The following MRPL42 variants were observed in gnomAD, a reference collection of about 807,000 sequenced individuals.
MRPL42 encodes the protein large ribosomal subunit protein mL42.
MRPL42 carries 17 observed loss-of-function variants against 17.9 expected under a neutral mutation model. That is an observed-to-expected ratio of 0.95 (90% CI 0.65 to 1.42). The LOEUF is 1.42. Ranked by LOEUF, MRPL42 falls within the 40% of genes most tolerant of loss-of-function variation. The pLI is 0.00. For missense variants in MRPL42, 177 were observed against 175.2 expected (o/e 1.01, Z -0.06); for synonymous variants, 59 against 54.4 (o/e 1.08, Z -0.37).
intron 4 of MRPL42, among the ~76,000 whole-genome samples, chr12:93,481,035 A>G (rs1025705095): frequency 6.6e-6 from 1 of 152,066 alleles, no homozygotes; most frequent in Non-Finnish European, 1.5e-5. Flanking sequence ...GCCTTTGTCC[A>G]TTGTTATTTT....
chr12:93,482,858 T>C (rs572585430), intron 4 of MRPL42, among the ~76,000 whole-genome samples: 2 of 151,966 alleles, frequency 1.3e-5, no homozygotes, highest in South Asian at 2.1e-4. Flanking sequence ...AGTGCCGGGC[T>C]TACAAGCATG....
intron 5 of MRPL42, among the ~76,000 whole-genome samples, chr12:93,490,775 C>T (rs1007910783): frequency 4.6e-5 from 7 of 152,146 alleles, no homozygotes; most frequent in African/African-American, 1.4e-4. Context: ...TTTCACAGTT[C>T]TTAAGTTACA....
At chr12:93,476,061 A>G (rs1244907292) in intron 2 of MRPL42, among the ~76,000 whole-genome samples, 3 of 152,200 alleles carry the variant, frequency 2.0e-5, no homozygotes, top group Admixed American at 2.0e-4. Flanking sequence ...AAAAAGGAAA[A>G]TATGCTTTAA....
chr12:93,487,419 T>C, intron 4 of MRPL42, 78 bp from the exon 5 acceptor site: 1 of 1,331,348 alleles, frequency 7.5e-7, no homozygotes, highest in Non-Finnish European at 1.0e-6. Context: ...AATATGGTAA[T>C]TGTTTTATTG....
rs1953596980 is a variant in MRPL42, at chr12:93,501,649, G to A, written c.*428G>A. Reference sequence around the variant, plus strand: ...TTTACAATATTTTCAACTGATAGTAGGTTTATTGGGATGTAACCCTATGAT... The same window carrying A: ...TTTACAATATTTTCAACTGATAGTAAGTTTATTGGGATGTAACCCTATGAT... On this transcript the variant is annotated 3_prime_UTR_variant, in exon 6 of 6. Transcript: ENST00000549982. 1 of 152,540 alleles carries A rather than the reference G, an allele frequency of 6.6e-6. No individual in the cohort carries two copies. Among genetic ancestry groups the A allele is most frequent in the Non-Finnish European group, 1.5e-5 (1 of 68,350 alleles). The allele number at this position is 152,540 out of a possible 1,614,324, so 9.4% of individuals were successfully genotyped here. A position where few individuals can be genotyped will look rare whatever the true frequency, so the allele number is the denominator to read the frequency against.
Position 93,502,778 on chromosome 12 carries a change from A to G in MRPL42, c.*1557A>G, listed in dbSNP as rs1393831906. The stretch of plus-strand genomic sequence containing the variant: ...GTAGAAAGAAGTGAAAAATCAAAAT[A>G]TGATTATGAAGATTTTCTTCTCTTC... On this transcript the variant is annotated 3_prime_UTR_variant, in exon 6 of 6. Transcript: ENST00000549982. 6.6e-6 allele frequency: 1 copy of G among 152,196 alleles called. No individual in the cohort carries two copies. The highest frequency in any genetic ancestry group is 1.5e-5 in the Non-Finnish European group (1 of 68,028). The allele number at this position is 152,196 out of a possible 1,614,324, so 9.4% of individuals were successfully genotyped here. A position where few individuals can be genotyped will look rare whatever the true frequency, so the allele number is the denominator to read the frequency against.
chr12:93,488,408 A>G, intron 5 of MRPL42: 1 of 398,004 alleles, frequency 2.5e-6, no homozygotes, highest in Non-Finnish European at 4.4e-6. Context: ...TTAAATTTAC[A>G]TATAATTTAG....
chr12:93,496,812 G>T (rs113674274), intron 5 of MRPL42, among the ~76,000 whole-genome samples: 1 of 151,480 alleles, frequency 6.6e-6, no homozygotes, highest in Non-Finnish European at 1.5e-5. Flanking sequence ...TTTTTTTGGG[G>T]GGGTTTGGGG....
chr12:93,503,900 C>CA lies in MRPL42; in HGVS notation c.*2683dup, dbSNP rs1259782069. ...ATTTAATTAACTCCCTGCTGTTAGA[C>CA]AAAATCATTGTTTCTGTTCCATCTT... is the stretch of plus-strand genomic sequence containing the variant. On this transcript the variant is annotated 3_prime_UTR_variant, in exon 6 of 6. Coordinates refer to ENST00000549982, the MANE Select transcript of MRPL42 (RefSeq NM_014050.4). 4.0e-5 allele frequency: 6 copies of CA among 151,886 alleles called. No individual in the cohort carries two copies. Among genetic ancestry groups the CA allele is most frequent in the African/African-American group, 1.5e-4 (6 of 41,350 alleles). 9.4% of individuals were successfully genotyped at this position (151,886 alleles called of 1,614,324 possible). A position where few individuals can be genotyped will look rare whatever the true frequency, so the allele number is the denominator to read the frequency against.
At chr12:93,492,234 C>T (rs1464232604) in intron 5 of MRPL42, among the ~76,000 whole-genome samples, 1 of 152,164 alleles carries the variant, frequency 6.6e-6, no homozygotes, top group African/African-American at 2.4e-5. Context: ...ACATTCCCAC[C>T]AATAGTATGT....
At chr12:93,481,343 G>T (rs9308295) in intron 4 of MRPL42, among the ~76,000 whole-genome samples, 2 of 152,024 alleles carry the variant, frequency 1.3e-5, no homozygotes, top group African/African-American at 4.8e-5. Context: ...GTTTTCTCTC[G>T]CATACTCTTT....
chr12:93,479,097 A>G (rs2121194954), intron 3 of MRPL42, among the ~76,000 whole-genome samples: 1 of 151,398 alleles, frequency 6.6e-6, no homozygotes, highest in East Asian at 1.9e-4. Context: ...ACACCTGGCT[A>G]ATATTTGTAT....
In MRPL42 at chr12:93,511,728, C is replaced by T. The variant is rs1217820400; in HGVS notation, c.*10507C>T. ...TTTTTTCCACTTCATTGCCAACAAA[C>T]AGCTAACTCTAAACAACAGTAAAGT... is the stretch of plus-strand genomic sequence containing the variant. On this transcript the variant is annotated 3_prime_UTR_variant, in exon 6 of 6. Transcript: ENST00000549982. 6.6e-6 allele frequency: 1 copy of T among 152,174 alleles called. No homozygotes were observed. Among genetic ancestry groups the T allele is most frequent in the Non-Finnish European group, 1.5e-5 (1 of 68,026 alleles). The allele number at this position is 152,174 out of a possible 1,614,324, so 9.4% of individuals were successfully genotyped here.
At position 93,512,875 on chromosome 12, in the gene MRPL42, T is replaced by C. The variant is rs1953737554; in HGVS notation, c.*11654T>C. 1.3e-5 allele frequency: 2 copies of C among 152,254 alleles called. No individual in the cohort carries two copies. The highest frequency in any genetic ancestry group is 2.1e-4 in the South Asian group (1 of 4,838). The allele number at this position is 152,254 out of a possible 1,614,324, so 9.4% of individuals were successfully genotyped here. On this transcript the variant is annotated 3_prime_UTR_variant, in exon 6 of 6. Coordinates refer to ENST00000549982, the MANE Select transcript of MRPL42 (RefSeq NM_014050.4). Reference sequence around the variant, plus strand: ...TAAATTTAATTGTAAGCTTATATGATACATTGTTCTAACTGGCAACTAATG... The same window carrying C: ...TAAATTTAATTGTAAGCTTATATGACACATTGTTCTAACTGGCAACTAATG...
rs1283288523 is a variant in MRPL42 at position 93,479,442 on chromosome 12, T to G, written c.189T>G (p.Pro63=). ...GCAGGACAATAGTATGCTACCACCCTTCTGTGGACATTCCATATGAACACA... is the reference window on the plus strand; with the variant it reads ...GCAGGACAATAGTATGCTACCACCCGTCTGTGGACATTCCATATGAACACA... ...SDGRTIVCYH[P]SVDIPYEHTK... is the part of the protein sequence containing the mutation. Residue 63 remains proline (P), a synonymous_variant, in exon 4 of 6, where the codon CCT becomes CCG. Transcript: ENST00000549982. 6.2e-7 allele frequency: 1 copy of G among 1,610,942 alleles called. No individual in the cohort carries two copies. Among genetic ancestry groups the G allele is most frequent in the Non-Finnish European group, 8.5e-7 (1 of 1,178,262 alleles).
intron 5 of MRPL42, among the ~76,000 whole-genome samples, chr12:93,499,733 C>T (rs1045702748): frequency 1.2e-4 from 19 of 152,108 alleles, no homozygotes; most frequent in African/African-American, 4.3e-4. Flanking sequence ...AGCTGTACTT[C>T]GTTCATTTCA....
At chr12:93,487,449 G>A (rs1311438937) in intron 4 of MRPL42, 48 bp from the exon 5 acceptor site, 33 of 1,526,884 alleles carry the variant, frequency 2.2e-5, no homozygotes, top group Non-Finnish European at 2.8e-5. Context: ...ACAAATGCTG[G>A]CTAACATTCC....
In MRPL42 at chr12:93,469,242, A is replaced by G. The variant is rs2121153533; in HGVS notation, c.-44A>G. On this transcript the variant is annotated 5_prime_UTR_variant, in exon 2 of 6. Coordinates refer to ENST00000549982, the MANE Select transcript of MRPL42 (RefSeq NM_014050.4). ...CAGATTCTAAAAGCAGTTTCTCTTC[A>G]GAACATCTTTTTTCATACCACTTGA... 1 of 1,503,602 alleles carries G rather than the reference A, an allele frequency of 6.7e-7. No homozygotes were observed. The allele number at this position is 1,503,602 out of a possible 1,614,324, so 93.1% of individuals were successfully genotyped here.
At chr12:93,491,712 C>T (rs1284868904) in intron 5 of MRPL42, among the ~76,000 whole-genome samples, 1 of 152,068 alleles carries the variant, frequency 6.6e-6, no homozygotes, top group Non-Finnish European at 1.5e-5. Context: ...TGATTGAACC[C>T]ATCACCCAGG....
Sources: allele counts gnomAD v4.1 joint callset (sites outside exome capture counted in the v4.1 genomes callset), GRCh38; gene constraint gnomAD v4.1.1; transcripts MANE v1.5; gene names NCBI Gene and HGNC (gene_info 2026-07-23, HGNC 2026-07-21).